TWSG1: variants seen among roughly 807,000 people sequenced by gnomAD.
TWSG1 encodes the protein twisted gastrulation protein homolog 1.
In TWSG1, 15 loss-of-function variants were observed where a neutral mutation model predicts 23.0. The observed-to-expected ratio is 0.65, with a 90% confidence interval of 0.44 to 1.00. The LOEUF is 1.00. Among genes scored for constraint, TWSG1 ranks in the 50% least tolerant of loss-of-function variants. The pLI is 0.00. For missense variants in TWSG1, 242 were observed against 278.7 expected (o/e 0.87, Z 0.94); for synonymous variants, 86 against 92.8 (o/e 0.93, Z 0.42).
At chr18:9,350,175 G>T (rs967007085) in intron 2 of TWSG1, among the ~76,000 whole-genome samples, 12 of 151,128 alleles carry the variant, frequency 7.9e-5, no homozygotes, top group African/African-American at 2.4e-4. Flanking sequence ...ACCTATTTTT[G>T]TCCTGTTTTG....
intron 2 of TWSG1, among the ~76,000 whole-genome samples, chr18:9,343,697 CATA>C (rs1326629117): frequency 6.6e-6 from 1 of 152,134 alleles, no homozygotes; most frequent in Non-Finnish European, 1.5e-5. Context: ...TTTCATTGAG[CATA>C]ATGTTTTCAT....
At chr18:9,343,273 A>T (rs2040455928) in intron 2 of TWSG1, among the ~76,000 whole-genome samples, 1 of 146,246 alleles carries the variant, frequency 6.8e-6, no homozygotes, top group African/African-American at 2.5e-5. Flanking sequence ...TTGTCCTAAC[A>T]TACATACATA....
chr18:9,351,657 T>C (rs1376258729), intron 2 of TWSG1, among the ~76,000 whole-genome samples: 2 of 151,470 alleles, frequency 1.3e-5, no homozygotes, highest in African/African-American at 4.9e-5. Context: ...TGTTTTTTTG[T>C]TTTTTGAGAC....
At chr18:9,383,563 C>G (rs1173329141) in intron 3 of TWSG1, among the ~76,000 whole-genome samples, 1 of 152,018 alleles carries the variant, frequency 6.6e-6, no homozygotes, top group Non-Finnish European at 1.5e-5. Flanking sequence ...AGAGAAGAAA[C>G]AAATTAGGAG....
chr18:9,344,006 T>G (rs1316834949), intron 2 of TWSG1, among the ~76,000 whole-genome samples: 1 of 152,168 alleles, frequency 6.6e-6, no homozygotes, highest in African/African-American at 2.4e-5. Flanking sequence ...GCTCAAACGA[T>G]CCTCTCACCT....
chr18:9,354,182 A>G (rs2040514547), intron 2 of TWSG1, among the ~76,000 whole-genome samples: 1 of 152,218 alleles, frequency 6.6e-6, no homozygotes, highest in African/African-American at 2.4e-5. Context: ...CTAGCCACTA[A>G]TTGAATGAAG....
At chr18:9,350,650 A>G (rs563286367) in intron 2 of TWSG1, among the ~76,000 whole-genome samples, 2 of 152,218 alleles carry the variant, frequency 1.3e-5, no homozygotes, top group Non-Finnish European at 2.9e-5. Context: ...TAATTCATAT[A>G]TATACATGAA....
intron 1 of TWSG1, among the ~76,000 whole-genome samples, chr18:9,335,721 C>T (rs1041518361): frequency 4.6e-5 from 7 of 152,208 alleles, no homozygotes; most frequent in African/African-American, 1.7e-4. Flanking sequence ...TTGTGAGCCT[C>T]AGTAACGATC....
In TWSG1 at chr18:9,389,252, AGG is replaced by A. The variant is rs1285257047; in HGVS notation, c.224-7027_224-7026del. Among the ~76,000 whole-genome samples the A allele has an allele frequency of 2.1e-4, 32 of 152,326 alleles. No individual in the cohort carries two copies. The East Asian group carries it at 5.4e-3, about 26-fold the overall frequency. On this transcript the variant is annotated intron_variant, in intron 3 of 4. Coordinates refer to ENST00000262120, the MANE Select transcript of TWSG1 (RefSeq NM_020648.6). ...CAGCCTCCCAAAGTGCTGAGATTACAGGTGTGAACCACTGCACCCGGCCACTA... is the reference window on the plus strand; with the variant it reads ...CAGCCTCCCAAAGTGCTGAGATTACATGTGAACCACTGCACCCGGCCACTA...
At chr18:9,344,467 T>C (rs1048372216) in intron 2 of TWSG1, among the ~76,000 whole-genome samples, 3 of 150,010 alleles carry the variant, frequency 2.0e-5, no homozygotes, top group African/African-American at 7.4e-5. Flanking sequence ...ATGTTGAGCA[T>C]CTTTTTATGT....
At chr18:9,372,159 T>TATAA (rs35926394) in intron 3 of TWSG1, among the ~76,000 whole-genome samples, 1 of 149,988 alleles carries the variant, frequency 6.7e-6, no homozygotes, top group Admixed American at 6.7e-5. Context: ...TGTATATATA[T>TATAA]TATATATTTG....
intron 3 of TWSG1, among the ~76,000 whole-genome samples, chr18:9,379,945 T>C (rs2040648605): frequency 6.6e-6 from 1 of 152,210 alleles, no homozygotes; most frequent in African/African-American, 2.4e-5. Context: ...AGTGAATTAG[T>C]TGTAGACTTT....
chr18:9,371,536 C>G (rs2040605254), intron 3 of TWSG1, among the ~76,000 whole-genome samples: 1 of 152,072 alleles, frequency 6.6e-6, no homozygotes, highest in South Asian at 2.1e-4. Context: ...ACCTCGTGAT[C>G]CGCCTGCCTT....
chr18:9,336,181 C>G (rs1376955556), intron 1 of TWSG1, among the ~76,000 whole-genome samples: 1 of 152,128 alleles, frequency 6.6e-6, no homozygotes, highest in African/African-American at 2.4e-5. Context: ...CACCTGAGGT[C>G]AGGAGATCGA....
chr18:9,367,607 C>T (rs1281786825), intron 3 of TWSG1, among the ~76,000 whole-genome samples: 3 of 152,152 alleles, frequency 2.0e-5, no homozygotes, highest in Non-Finnish European at 2.9e-5. Flanking sequence ...CGAGCGTCAC[C>T]GCCTGAGCTC....
chr18:9,362,614 T>C (rs1243227356), intron 3 of TWSG1, among the ~76,000 whole-genome samples: 1 of 152,204 alleles, frequency 6.6e-6, no homozygotes, highest in Non-Finnish European at 1.5e-5. Flanking sequence ...AGAGTGTTTG[T>C]GCGAGTGTAT....
At chr18:9,379,514 G>T (rs1485574409) in intron 3 of TWSG1, among the ~76,000 whole-genome samples, 1 of 152,100 alleles carries the variant, frequency 6.6e-6, no homozygotes. Flanking sequence ...GCCTACTTGA[G>T]GGTGGAGGAC....
intron 2 of TWSG1, among the ~76,000 whole-genome samples, chr18:9,354,297 A>G (rs1261209856): frequency 1.3e-5 from 2 of 152,202 alleles, no homozygotes; most frequent in Admixed American, 6.5e-5. Flanking sequence ...AGTGCCTATA[A>G]GGGTTAAATA....
At chr18:9,381,455 AGTATT>A (rs1303872187) in intron 3 of TWSG1, among the ~76,000 whole-genome samples, 5 of 152,220 alleles carry the variant, frequency 3.3e-5, no homozygotes, top group Non-Finnish European at 7.3e-5. Flanking sequence ...ATGTATCTGG[AGTATT>A]GTATTAATAT....
Sources: allele counts gnomAD v4.1 joint callset (sites outside exome capture counted in the v4.1 genomes callset), GRCh38; gene constraint gnomAD v4.1.1; transcripts MANE v1.5; gene names NCBI Gene and HGNC (gene_info 2026-07-23, HGNC 2026-07-21).